The following UBAP2L variants were observed in gnomAD, a reference collection of about 807,000 sequenced individuals.
The protein encoded by UBAP2L is ubiquitin-associated protein 2-like.
In UBAP2L, 12 loss-of-function variants were observed where a neutral mutation model predicts 130.6. The ratio of observed to expected loss-of-function variants is 0.09; its 90% CI spans 0.06 to 0.15. UBAP2L has a LOEUF of 0.15. Among genes scored for constraint, UBAP2L ranks in the 10% least tolerant of loss-of-function variants. The pLI is 1.00. For missense variants in UBAP2L, 965 were observed against 1,332.5 expected (o/e 0.72, Z 4.29); for synonymous variants, 503 against 524.7 (o/e 0.96, Z 0.57).
At position 154,270,708 on chromosome 1, in the gene UBAP2L, A is replaced by C; in HGVS notation, c.*413A>C. ...GAAAACAACAACAACAACAAACAAA[A>C]AAATGGCGTCATGAATATGAACAGC... On this transcript the variant is annotated 3_prime_UTR_variant, in exon 27 of 27. Coordinates refer to ENST00000428931, the MANE Select transcript of UBAP2L (RefSeq NM_014847.4). The C allele has an allele frequency of 3.5e-6, 5 of 1,414,722 alleles. No individual in the cohort carries two copies. Among genetic ancestry groups the C allele is most frequent in the Non-Finnish European group, 4.6e-6 (5 of 1,090,970 alleles). 87.6% of individuals were successfully genotyped at this position (1,414,722 alleles called of 1,614,324 possible).
intron 10 of UBAP2L, among the ~76,000 whole-genome samples, chr1:154,244,078 A>T (rs150398708): frequency 6.6e-6 from 1 of 152,280 alleles, no homozygotes; most frequent in Non-Finnish European, 1.5e-5. Flanking sequence ...TTTAGAATTT[A>T]AATCTCTAGG....
At chr1:154,261,806 C>G in intron 24 of UBAP2L, 109 bp downstream of exon 24, 8 of 1,099,498 alleles carry the variant, frequency 7.3e-6, no homozygotes, top group Non-Finnish European at 1.1e-5. Context: ...GGGTGTGCCG[C>G]TGCCCCAGGT....
intron 18 of UBAP2L, among the ~76,000 whole-genome samples, chr1:154,256,223 A>T (rs1679602870): frequency 6.6e-6 from 1 of 152,214 alleles, no homozygotes; most frequent in Non-Finnish European, 1.5e-5. Flanking sequence ...AATTAAGCTG[A>T]GCCTGTAAAG....
chr1:154,222,377 G>A (rs1263883461), intron 1 of UBAP2L, among the ~76,000 whole-genome samples: 1 of 152,052 alleles, frequency 6.6e-6, no homozygotes. Flanking sequence ...AAAACATTTT[G>A]GCTGTGTATC....
chr1:154,252,867 AT>A (rs1678260281), intron 14 of UBAP2L, among the ~76,000 whole-genome samples: 1 of 151,020 alleles, frequency 6.6e-6, no homozygotes, highest in Non-Finnish European at 1.5e-5. Flanking sequence ...CCCAAATCTT[AT>A]ATGGTTCTTG....
rs1484158021 is a variant in UBAP2L at position 154,255,079 on chromosome 1, T to G, written c.1910-73T>G. On this transcript the variant is annotated intron_variant, in intron 16 of 26. Transcript: ENST00000428931. ...CATCCTTTTGTCTTTGGAACTGCCT[T>G]GGACTGTGGTCACCTCTCTATAGAC... is the stretch of plus-strand genomic sequence containing the variant. 3.2e-6 allele frequency: 5 copies of G among 1,546,908 alleles called. No homozygotes were observed. The East Asian group carries it at 9.0e-5, about 28-fold the overall frequency.
Position 154,249,386 on chromosome 1 carries a change from T to C in UBAP2L, c.1162T>C (p.Ser388Pro). 6.2e-7 allele frequency: 1 copy of C among 1,614,144 alleles called. No individual in the cohort carries two copies. The highest frequency in any genetic ancestry group is 8.5e-7 in the Non-Finnish European group (1 of 1,180,040). ...TTCTCAGTCTGGAAGCACCACCACC[T>C]CCTCTTGGGACATGGGCTCGACGAC... is the stretch of plus-strand genomic sequence containing the variant. ...QHSQSGSTTT[S>P]SWDMGSTTQS... The change falls in exon 12 of 27, where the codon TCC becomes CCC. Residue 388 changes from serine (S) to proline (P), a missense_variant. Coordinates refer to ENST00000428931, the MANE Select transcript of UBAP2L (RefSeq NM_014847.4).
chr1:154,255,212 A>G lies in UBAP2L; in HGVS notation c.1970A>G (p.Asn657Ser), dbSNP rs957908493. ...SPSTSSIPPLNETVSAASLLT... is the reference protein window; with the variant it reads ...SPSTSSIPPLSETVSAASLLT... ...TCCACTTCTAGCATCCCCCCTCTCA[A>G]TGAAACGGTATCTGCAGCTTCCTTA... The change falls in exon 17 of 27, where the codon AAT becomes AGT. Residue 657 changes from asparagine (N) to serine (S), a missense_variant. By Grantham distance (46) the Asn-to-Ser change is conservative. Coordinates refer to ENST00000428931, the MANE Select transcript of UBAP2L (RefSeq NM_014847.4). 4 of 1,614,032 alleles carry G rather than the reference A, an allele frequency of 2.5e-6. No individual in the cohort carries two copies. The highest frequency in any genetic ancestry group is 1.7e-5 in the Admixed American group (1 of 59,998).
downstream of UBAP2L, chr1:154,271,120 A>G: frequency 1.5e-6 from 1 of 646,570 alleles, no homozygotes; most frequent in African/African-American, 1.8e-5. Flanking sequence ...TCCTCCAGAA[A>G]CTGCTACATC....
chr1:154,242,216 G>T (rs553701435), intron 9 of UBAP2L, among the ~76,000 whole-genome samples: 1 of 152,278 alleles, frequency 6.6e-6, no homozygotes, highest in Non-Finnish European at 1.5e-5. Flanking sequence ...TCAAGCTTCT[G>T]CTGTGAATTA....
rs142765301 is a variant in UBAP2L, at chr1:154,260,447, A to G, written c.2578+418A>G. Among the ~76,000 whole-genome samples, 113 of 152,306 alleles carry G rather than the reference A, an allele frequency of 7.4e-4. 1 individual carries two copies. The East Asian group carries it at 0.019, about 25-fold the overall frequency. ...CTGCTCATCTCTGCCCCTTTATGCT[A>G]CTACTCACAGTGGCAATCTCACTGC... On this transcript the variant is annotated intron_variant, in intron 22 of 26. Transcript: ENST00000428931.
chr1:154,224,952 G>C (rs568317589), intron 1 of UBAP2L, 132 bp from the exon 2 acceptor site: 10 of 590,642 alleles, frequency 1.7e-5, no homozygotes, highest in African/African-American at 1.1e-4. Flanking sequence ...TAATTATGTT[G>C]TAAGAATAAA....
Position 154,270,616 on chromosome 1 carries a change from G to C in UBAP2L, c.*321G>C. 7.1e-7 allele frequency: 1 copy of C among 1,414,160 alleles called. No homozygotes were observed. Among genetic ancestry groups the C allele is most frequent in the Non-Finnish European group, 9.2e-7 (1 of 1,089,870 alleles). 87.6% of individuals were successfully genotyped at this position (1,414,160 alleles called of 1,614,324 possible). The stretch of plus-strand genomic sequence containing the variant: ...GTTCACCCTGGTGGTGTACGGATGA[G>C]GCGGGGAGGTGGGACCCCCAAACAT... On this transcript the variant is annotated 3_prime_UTR_variant, in exon 27 of 27. Coordinates refer to ENST00000428931, the MANE Select transcript of UBAP2L (RefSeq NM_014847.4).
chr1:154,247,978 T>C (rs1676132506), intron 11 of UBAP2L, among the ~76,000 whole-genome samples: 2 of 151,744 alleles, frequency 1.3e-5, no homozygotes. Flanking sequence ...ATTTTTTATT[T>C]TTTTTTGAGA....
chr1:154,263,969 T>G (rs1682436594), intron 24 of UBAP2L, among the ~76,000 whole-genome samples: 1 of 152,186 alleles, frequency 6.6e-6, no homozygotes, highest in Non-Finnish European at 1.5e-5. Context: ...TGACTCAGGC[T>G]CTGTGGCGAC....
At chr1:154,256,661 T>C (rs966625287) in intron 18 of UBAP2L, among the ~76,000 whole-genome samples, 3 of 152,054 alleles carry the variant, frequency 2.0e-5, no homozygotes, top group African/African-American at 7.2e-5. Context: ...AAATCAGAAT[T>C]TTTGCTTTTT....
At chr1:154,269,430 T>A in intron 26 of UBAP2L, 1 of 1,306,722 alleles carries the variant, frequency 7.7e-7, no homozygotes, top group South Asian at 1.2e-5. Flanking sequence ...AATTGAATGA[T>A]CATATGCTTG....
intron 11 of UBAP2L, among the ~76,000 whole-genome samples, chr1:154,247,791 T>G (rs1290969092): frequency 6.6e-6 from 1 of 152,144 alleles, no homozygotes. Flanking sequence ...TCTGTTTTTT[T>G]GTTGCCTGTA....
intron 24 of UBAP2L, chr1:154,262,976 C>T: frequency 2.3e-6 from 2 of 874,358 alleles, no homozygotes; most frequent in Non-Finnish European, 3.4e-6. Flanking sequence ...CTAGAAATCC[C>T]ACCTTCTTGC....
Sources: gnomAD v4.1 joint callset for allele counts (sites outside exome capture counted in the v4.1 genomes callset) on GRCh38, gnomAD v4.1.1 for gene constraint, MANE v1.5 for transcripts, NCBI Gene and HGNC (gene_info 2026-07-23, HGNC 2026-07-21) for gene names.